Variants in RORA observed in about 807,000 individuals in gnomAD.
RORA encodes RAR related orphan receptor A, also known as nuclear receptor ROR-alpha.
Under a neutral mutation model 69.5 loss-of-function variants are expected in RORA, and 7 were observed. That is an observed-to-expected ratio of 0.10 (90% CI 0.06 to 0.19). RORA has a LOEUF of 0.19. Ranked by LOEUF, RORA falls within the 10% of genes least tolerant of loss-of-function variation. RORA has a pLI of 1.00. For synonymous variants in RORA, 261 were observed against 240.8 expected, an observed-to-expected ratio of 1.08 and a Z score of -0.78; for missense variants, 457 against 663.0, an observed-to-expected ratio of 0.69 and a Z score of 3.41.
At chr15:61,096,125 CCATGCGGA>C (rs1161003371) in intron 1 of RORA, among the ~76,000 whole-genome samples, 1 of 152,144 alleles carries the variant, frequency 6.6e-6, no homozygotes, top group Non-Finnish European at 1.5e-5. Context: ...AGGCAAGACC[CCATGCGGA>C]CAGCACCTTA....
chr15:61,098,038 TTTCCTTCC>T lies in RORA; in HGVS notation c.166+131007_166+131014del, dbSNP rs149088546. ...CTATCTCTCCATCTTTCCTTCCATC[TTTCCTTCC>T]TTCCTTCCTTCCTTAATCCTTCCTT... On this transcript the variant is annotated intron_variant, in intron 1 of 10. Transcript: ENST00000335670. Among the ~76,000 whole-genome samples the T allele has an allele frequency of 4.6e-5, 7 of 151,772 alleles. No individual in the cohort carries two copies. In the East Asian group the frequency reaches 1.2e-3, roughly 25 times the overall value.
chr15:60,506,394 G>A (rs1232899893), intron 5 of RORA, among the ~76,000 whole-genome samples: 1 of 152,200 alleles, frequency 6.6e-6, no homozygotes, highest in Admixed American at 6.5e-5. Flanking sequence ...AGCATAAGGA[G>A]TTTGAAGATA....
intron 1 of RORA, among the ~76,000 whole-genome samples, chr15:60,943,952 G>A (rs1313613658): frequency 2.1e-5 from 2 of 96,316 alleles, no homozygotes; most frequent in African/African-American, 7.4e-5. Flanking sequence ...TGAGTAATGG[G>A]TCAAAGGGGA....
chr15:60,964,839 TGAGAGG>T (rs1893508403), intron 1 of RORA, among the ~76,000 whole-genome samples: 1 of 152,124 alleles, frequency 6.6e-6, no homozygotes, highest in Admixed American at 6.5e-5. Flanking sequence ...GAGTGGCCAC[TGAGAGG>T]ATGGCTTCAG....
In RORA at chr15:60,977,946, C is replaced by T. The variant is rs536072320; in HGVS notation, c.166+251107G>A. ...TTCAATGTACAAGTTTTCATGTGGA[C>T]ATATGTTTTCAATTCTTGGATATAT... On this transcript the variant is annotated intron_variant, in intron 1 of 10. Coordinates refer to ENST00000335670, the MANE Select transcript of RORA (RefSeq NM_134261.3). Among the ~76,000 whole-genome samples the T allele has an allele frequency of 2.0e-5, 3 of 152,234 alleles. No homozygotes were observed. In the South Asian group the frequency reaches 6.2e-4, roughly 32 times the overall value.
At chr15:61,060,269 C>T (rs544530514) in intron 1 of RORA, among the ~76,000 whole-genome samples, 6 of 152,298 alleles carry the variant, frequency 3.9e-5, no homozygotes, top group African/African-American at 9.6e-5. Context: ...GGCCAAAGTG[C>T]GTGCCTGGCA....
chr15:60,776,425 G>C (rs574427684), intron 1 of RORA, among the ~76,000 whole-genome samples: 1 of 152,230 alleles, frequency 6.6e-6, no homozygotes, highest in Admixed American at 6.5e-5. Context: ...AAGGCTGCCT[G>C]CTGGGGAGCA....
intron 2 of RORA, among the ~76,000 whole-genome samples, chr15:60,641,929 A>C (rs1411512785): frequency 6.6e-6 from 1 of 152,216 alleles, no homozygotes; most frequent in Non-Finnish European, 1.5e-5. Flanking sequence ...GGATCCTTCT[A>C]ACCCATTTAA....
intron 1 of RORA, among the ~76,000 whole-genome samples, chr15:61,198,350 G>T (rs1195990948): frequency 6.6e-6 from 1 of 152,058 alleles, no homozygotes; most frequent in Non-Finnish European, 1.5e-5. Context: ...AGATAACCTA[G>T]ATCTAGGAGA....
chr15:60,587,972 T>C (rs1272186902), intron 2 of RORA, among the ~76,000 whole-genome samples: 2 of 152,202 alleles, frequency 1.3e-5, no homozygotes, highest in Non-Finnish European at 2.9e-5. Flanking sequence ...CACAAAATAC[T>C]GACGGATAGA....
chr15:61,056,475 C>A (rs1241979579), intron 1 of RORA, among the ~76,000 whole-genome samples: 2 of 152,052 alleles, frequency 1.3e-5, no homozygotes, highest in African/African-American at 4.8e-5. Context: ...AAGTCAAAAC[C>A]CAGGATTATT....
In RORA at chr15:60,508,485, ATAATTTGTGTCTATCC is replaced by A. The variant is rs1242224763; in HGVS notation, c.820+2725_820+2740del. The stretch of plus-strand genomic sequence containing the variant: ...AGCATTCACTATATGCCAGTCCCAC[ATAATTTGTGTCTATCC>A]TGAATATGTATGTTTTCTCACTTAA... On this transcript the variant is annotated intron_variant, in intron 5 of 10. Transcript: ENST00000335670. Among the ~76,000 whole-genome samples the A allele has an allele frequency of 2.6e-5, 4 of 152,252 alleles. No homozygotes were observed. The East Asian group carries it at 7.7e-4, about 29-fold the overall frequency.
chr15:61,224,067 C>T (rs1303054603), intron 1 of RORA, among the ~76,000 whole-genome samples: 4 of 151,424 alleles, frequency 2.6e-5, no homozygotes, highest in Admixed American at 6.6e-5. Context: ...AGTATTATTC[C>T]TAAATTTTGA....
At chr15:60,903,965 G>T (rs1048777593) in intron 1 of RORA, among the ~76,000 whole-genome samples, 2 of 152,130 alleles carry the variant, frequency 1.3e-5, no homozygotes, top group Non-Finnish European at 2.9e-5. Context: ...TTACAAAAAT[G>T]AAACATCAAT....
At chr15:60,800,105 C>G (rs1199345048) in intron 1 of RORA, among the ~76,000 whole-genome samples, 1 of 152,252 alleles carries the variant, frequency 6.6e-6, no homozygotes, top group East Asian at 1.9e-4. Context: ...TTGCCCAAAA[C>G]TGGCTACGGT....
At chr15:60,775,063 A>G (rs2072141698) in intron 1 of RORA, among the ~76,000 whole-genome samples, 1 of 152,200 alleles carries the variant, frequency 6.6e-6, no homozygotes, top group African/African-American at 2.4e-5. Context: ...TTTCTTACCT[A>G]TGATTCATGT....
intron 1 of RORA, among the ~76,000 whole-genome samples, chr15:61,182,667 G>T (rs572376293): frequency 5.3e-5 from 8 of 152,178 alleles, no homozygotes; most frequent in African/African-American, 1.4e-4. Flanking sequence ...GTATCTGTTG[G>T]TTACAAAGGG....
chr15:60,821,342 C>T (rs555548293), intron 1 of RORA, among the ~76,000 whole-genome samples: 2 of 152,292 alleles, frequency 1.3e-5, no homozygotes, highest in Admixed American at 1.3e-4. Flanking sequence ...GGCTTCTAGC[C>T]CCTACGCTCT....
intron 1 of RORA, among the ~76,000 whole-genome samples, chr15:60,712,123 T>C (rs554466437): frequency 4.3e-4 from 65 of 152,320 alleles, no homozygotes; most frequent in African/African-American, 1.4e-3. Flanking sequence ...GGGACTCATA[T>C]CCTACATAGG....
Sources: gnomAD v4.1 joint callset for allele counts (sites outside exome capture counted in the v4.1 genomes callset) on GRCh38, gnomAD v4.1.1 for gene constraint, MANE v1.5 for transcripts, NCBI Gene and HGNC (gene_info 2026-07-23, HGNC 2026-07-21) for gene names.